Variants in PAWR observed in about 807,000 individuals in gnomAD.
PAWR encodes pro-apoptotic WT1 regulator, also known as PRKC apoptosis WT1 regulator protein.
Under a neutral mutation model 32.0 loss-of-function variants are expected in PAWR, and 23 were observed. The ratio of observed to expected loss-of-function variants is 0.72; its 90% CI spans 0.52 to 1.02. PAWR has a LOEUF of 1.02. Ranked by LOEUF, PAWR falls within the 50% of genes least tolerant of loss-of-function variation. The pLI, the probability that PAWR is intolerant of heterozygous loss-of-function variation, is 0.00. For synonymous variants in PAWR, 226 were observed against 187.1 expected, an observed-to-expected ratio of 1.21 and a Z score of -1.70; for missense variants, 457 against 437.7, an observed-to-expected ratio of 1.04 and a Z score of -0.39.
intron 2 of PAWR, among the ~76,000 whole-genome samples, chr12:79,661,464 A>G (rs1877348831): frequency 6.6e-6 from 1 of 152,194 alleles, no homozygotes; most frequent in Non-Finnish European, 1.5e-5. Context: ...AAGGATACTT[A>G]AGAAATAACA....
chr12:79,588,683 G>A lies in PAWR; in HGVS notation c.*3924C>T, dbSNP rs1873457742. ...CCATGTCCATTTATTTAAAGATTCT[G>A]TAACACCTGTAATAGTATTTAATAC... is the stretch of plus-strand genomic sequence containing the variant. On this transcript the variant is annotated 3_prime_UTR_variant, in exon 7 of 7. Transcript: ENST00000328827. 6.6e-6 allele frequency: 1 copy of A among 151,840 alleles called. No individual in the cohort carries two copies. The highest frequency in any genetic ancestry group is 2.1e-4 in the South Asian group (1 of 4,830). The allele number at this position is 151,840 out of a possible 1,614,324, so 9.4% of individuals were successfully genotyped here.
chr12:79,684,634 A>G (rs2136890982), intron 2 of PAWR, among the ~76,000 whole-genome samples: 2 of 152,244 alleles, frequency 1.3e-5, no homozygotes, highest in African/African-American at 4.8e-5. Context: ...AAAAGAAAGA[A>G]AGAAAAAAAC....
chr12:79,689,515 G>GA (rs1878859783), intron 2 of PAWR, among the ~76,000 whole-genome samples: 1 of 152,182 alleles, frequency 6.6e-6, no homozygotes, highest in African/African-American at 2.4e-5. Context: ...CAGGAAGCCT[G>GA]AAAAGCACGT....
intron 4 of PAWR, among the ~76,000 whole-genome samples, chr12:79,608,466 A>C (rs1034601497): frequency 2.0e-5 from 3 of 152,268 alleles, no homozygotes; most frequent in Admixed American, 2.0e-4. Flanking sequence ...ATCTGGCAGG[A>C]AGCAAAGCTC....
intron 2 of PAWR, among the ~76,000 whole-genome samples, chr12:79,668,636 C>T (rs1174494409): frequency 6.6e-6 from 1 of 152,166 alleles, no homozygotes; most frequent in Non-Finnish European, 1.5e-5. Context: ...ATGCGCAGTT[C>T]AAAAGAGGGT....
At chr12:79,660,884 A>G (rs1374937330) in intron 2 of PAWR, among the ~76,000 whole-genome samples, 3 of 151,534 alleles carry the variant, frequency 2.0e-5, no homozygotes, top group South Asian at 2.1e-4. Context: ...GCGGCCAGCC[A>G]CTGTATTTTT....
intron 2 of PAWR, among the ~76,000 whole-genome samples, chr12:79,687,308 T>TA (rs1484310247): frequency 3.3e-5 from 5 of 152,312 alleles, no homozygotes; most frequent in Admixed American, 3.3e-4. Flanking sequence ...CAGATACCTT[T>TA]ATAACAGTAT....
chr12:79,675,335 C>T (rs899088263), intron 2 of PAWR, among the ~76,000 whole-genome samples: 6 of 152,052 alleles, frequency 3.9e-5, no homozygotes, highest in African/African-American at 9.7e-5. Flanking sequence ...GCTAGGATCA[C>T]GCCACTGCAC....
intron 2 of PAWR, among the ~76,000 whole-genome samples, chr12:79,643,752 T>C (rs981137985): frequency 2.0e-5 from 3 of 152,126 alleles, no homozygotes; most frequent in Non-Finnish European, 4.4e-5. Flanking sequence ...AAAAGCAAAG[T>C]AAGCTACAGC....
intron 2 of PAWR, among the ~76,000 whole-genome samples, chr12:79,665,513 G>C (rs1178594505): frequency 3.3e-5 from 5 of 151,974 alleles, no homozygotes. Context: ...AATTCCGTAA[G>C]TCAATTAAAA....
At position 79,690,293 on chromosome 12, in the gene PAWR, C is replaced by T; in HGVS notation, c.-49G>A. On this transcript the variant is annotated 5_prime_UTR_variant, in exon 2 of 7. Coordinates refer to ENST00000328827, the MANE Select transcript of PAWR (RefSeq NM_002583.4). ...TCTCACCTCAGGCCGCCCACCAGGG[C>T]TCCGGCCGCTGCCTCCTCTTCCTTC... The T allele has an allele frequency of 7.2e-7, 1 of 1,395,720 alleles. No individual in the cohort carries two copies. The highest frequency in any genetic ancestry group is 9.3e-7 in the Non-Finnish European group (1 of 1,075,794). 86.5% of individuals were successfully genotyped at this position (1,395,720 alleles called of 1,614,324 possible). A position where few individuals can be genotyped will look rare whatever the true frequency, so the allele number is the denominator to read the frequency against.
chr12:79,619,879 G>A (rs1447998704), intron 3 of PAWR, among the ~76,000 whole-genome samples: 5 of 152,128 alleles, frequency 3.3e-5, no homozygotes, highest in East Asian at 1.9e-4. Context: ...TAAATAAAAC[G>A]CTCTGCTTTA....
At chr12:79,641,074 C>A (rs913644668) in intron 2 of PAWR, among the ~76,000 whole-genome samples, 1 of 152,160 alleles carries the variant, frequency 6.6e-6, no homozygotes, top group Non-Finnish European at 1.5e-5. Flanking sequence ...ATGTTAGGTT[C>A]ATTTTAACTT....
Position 79,646,552 on chromosome 12 carries a change from T to C in PAWR, c.517-25345A>G, listed in dbSNP as rs143808059. Among the ~76,000 whole-genome samples the C allele has an allele frequency of 2.7e-3, 415 of 152,298 alleles. 3 individuals are homozygous for C. The highest frequency in any genetic ancestry group is 8.8e-3 in the African/African-American group (366 of 41,572). On this transcript the variant is annotated intron_variant, in intron 2 of 6. Coordinates refer to ENST00000328827, the MANE Select transcript of PAWR (RefSeq NM_002583.4). The stretch of plus-strand genomic sequence containing the variant: ...TTCCATATGTTCATATTTATCAGAT[T>C]TACTGTATACAACAAATCTTTATAA...
At chr12:79,638,253 CTAAT>C (rs776179594) in intron 2 of PAWR, among the ~76,000 whole-genome samples, 57 of 151,976 alleles carry the variant, frequency 3.8e-4, no homozygotes, top group Middle Eastern at 6.8e-3. Flanking sequence ...TCACTGAATC[CTAAT>C]TAATAGGATA....
Position 79,591,569 on chromosome 12 carries a change from T to C in PAWR, c.*1038A>G, listed in dbSNP as rs1186439485. 1 of 152,148 alleles carries C rather than the reference T, an allele frequency of 6.6e-6. No homozygotes were observed. The highest frequency in any genetic ancestry group is 1.5e-5 in the Non-Finnish European group (1 of 68,014). 9.4% of individuals were successfully genotyped at this position (152,148 alleles called of 1,614,324 possible). A position where few individuals can be genotyped will look rare whatever the true frequency, so the allele number is the denominator to read the frequency against. On this transcript the variant is annotated 3_prime_UTR_variant, in exon 7 of 7. Coordinates refer to ENST00000328827, the MANE Select transcript of PAWR (RefSeq NM_002583.4). ...ATAATTATTTAGAAGTAACTCTGTT[T>C]TTAAAATTTCAATGTTAGGAAGAAA... is the stretch of plus-strand genomic sequence containing the variant.
rs959799282 is a variant in PAWR, at chr12:79,689,940, G to A, written c.305C>T (p.Ala102Val). ...AVGSAMLTRA[A>V]PGPRRSEDEP... ...GTCCTCCGACCGCCGCGGGCCGGGG[G>A]CCGCCCGCGTCAGCATGGCGGAGCC... The change falls in exon 2 of 7, where the codon GCC (alanine) becomes GTC (valine). Residue 102 changes from alanine to valine, a missense_variant. Physicochemically the swap from Ala to Val is moderately conservative, Grantham distance 64. Transcript: ENST00000328827. 5 of 1,405,024 alleles carry A rather than the reference G, an allele frequency of 3.6e-6. No homozygotes were observed. Among genetic ancestry groups the A allele is most frequent in the East Asian group, 3.0e-5 (1 of 33,324 alleles). The allele number at this position is 1,405,024 out of a possible 1,614,324, so 87.0% of individuals were successfully genotyped here.
At chr12:79,660,996 A>T (rs990986375) in intron 2 of PAWR, among the ~76,000 whole-genome samples, 1 of 151,934 alleles carries the variant, frequency 6.6e-6, no homozygotes, top group Non-Finnish European at 1.5e-5. Flanking sequence ...GGCTGGGCAC[A>T]ATGACTCACG....
intron 2 of PAWR, among the ~76,000 whole-genome samples, chr12:79,640,916 T>C (rs1052346086): frequency 2.0e-5 from 3 of 152,212 alleles, no homozygotes; most frequent in Non-Finnish European, 4.4e-5. Flanking sequence ...GTTATGTGTC[T>C]GTGTATCTGA....
Sources: allele counts gnomAD v4.1 joint callset (sites outside exome capture counted in the v4.1 genomes callset), GRCh38; gene constraint gnomAD v4.1.1; transcripts MANE v1.5; gene names NCBI Gene and HGNC (gene_info 2026-07-23, HGNC 2026-07-21).